Variants in RAB40A observed in about 807,000 individuals in gnomAD.
The protein encoded by RAB40A is ras-related protein Rab-40A.
For synonymous variants in RAB40A, 65 were observed against 99.9 expected, an observed-to-expected ratio of 0.65 and a Z score of 2.08; for missense variants, 145 against 230.2, an observed-to-expected ratio of 0.63 and a Z score of 2.40.
rs1356726560 is a variant in RAB40A at position 103,517,401 on chromosome X, C to T, written c.-98G>A. On this transcript the variant is annotated 5_prime_UTR_variant, in exon 2 of 3. Coordinates refer to ENST00000304236, the MANE Select transcript of RAB40A (RefSeq NM_080879.3). Reference sequence around the variant, plus strand: ...CAAAAACCACAGTCAGTTGATGGGTCGAGTAACTAGGGTACAAATCTGATG... The same window carrying T: ...CAAAAACCACAGTCAGTTGATGGGTTGAGTAACTAGGGTACAAATCTGATG... 1 of 110,897 alleles carries T rather than the reference C, an allele frequency of 9.0e-6. No homozygotes were observed. Among genetic ancestry groups the T allele is most frequent in the Admixed American group, 9.7e-5 (1 of 10,357 alleles). The allele number at this position is 110,897 out of a possible 1,213,427, so 9.1% of individuals were successfully genotyped here. A position where few individuals can be genotyped will look rare whatever the true frequency, so the allele number is the denominator to read the frequency against.
At chrX:103,507,870 C>T (rs1274125561) in intron 2 of RAB40A, among the ~76,000 whole-genome samples, 1 of 112,115 alleles carries the variant, frequency 8.9e-6, no homozygotes, top group Non-Finnish European at 1.9e-5. Flanking sequence ...ATTTAAACTG[C>T]ACCTCTCACT....
chrX:103,506,035 ACT>A (rs1471498840), intron 2 of RAB40A, among the ~76,000 whole-genome samples: 1 of 111,490 alleles, frequency 9.0e-6, no homozygotes, highest in African/African-American at 3.3e-5. Context: ...CTATTTCTTG[ACT>A]CTATTAATAA....
chrX:103,506,194 G>A (rs1465364330), intron 2 of RAB40A, among the ~76,000 whole-genome samples: 2 of 111,286 alleles, frequency 1.8e-5, no homozygotes, highest in African/African-American at 6.5e-5. Flanking sequence ...TTTTATAGTG[G>A]TGAAGTCTGG....
the RAB40A span, among the ~76,000 whole-genome samples, chrX:103,494,053 A>G: frequency 8.9e-6 from 1 of 112,286 alleles, no homozygotes; most frequent in East Asian, 2.8e-4. Context: ...TCCTACCAAC[A>G]GTGTACAAGG....
intron 2 of RAB40A, among the ~76,000 whole-genome samples, chrX:103,509,018 T>A: frequency 8.9e-6 from 1 of 112,318 alleles, no homozygotes. Flanking sequence ...CAGGAATTAC[T>A]GGCATTTCTG....
intron 2 of RAB40A, among the ~76,000 whole-genome samples, chrX:103,506,129 TA>T (rs765504097): frequency 9.0e-6 from 1 of 111,635 alleles, no homozygotes; most frequent in African/African-American, 3.2e-5. Context: ...AGATCTCAAT[TA>T]AAAAAATTTT....
rs766963873 is a variant in RAB40A at position 103,513,247 on chromosome X, TGACAGCAG to T, written c.-71+4119_-71+4126del. Among the ~76,000 whole-genome samples, 296 of 111,533 alleles carry T rather than the reference TGACAGCAG, an allele frequency of 2.7e-3. 2 individuals are homozygous for T. The highest frequency in any genetic ancestry group is 9.3e-3 in the African/African-American group (285 of 30,724). On this transcript the variant is annotated intron_variant, in intron 2 of 2. Coordinates refer to ENST00000304236, the MANE Select transcript of RAB40A (RefSeq NM_080879.3). ...CTAGCACAAATAAAGTCCTTTGAAT[TGACAGCAG>T]GCTCCTCTGTTTACCCACCTAGTTG...
intron 2 of RAB40A, among the ~76,000 whole-genome samples, chrX:103,512,939 A>C (rs2073298465): frequency 9.0e-6 from 1 of 111,611 alleles, no homozygotes; most frequent in African/African-American, 3.3e-5. Context: ...AATAAAAACA[A>C]AATACCCCTG....
chrX:103,496,789 G>A (rs1276828606), downstream of RAB40A, among the ~76,000 whole-genome samples: 2 of 112,535 alleles, frequency 1.8e-5, no homozygotes, highest in African/African-American at 3.2e-5. Flanking sequence ...TCTTATGGAA[G>A]CTATTTTACA....
the RAB40A span, among the ~76,000 whole-genome samples, chrX:103,493,861 T>A: frequency 7.1e-5 from 8 of 112,587 alleles, no homozygotes; most frequent in African/African-American, 2.6e-4. Context: ...TGCTTCCAAA[T>A]GTTAGCTATA....
At chrX:103,497,641 A>G (rs2073187182), downstream of RAB40A, 1 of 112,229 alleles carries the variant, frequency 8.9e-6, no homozygotes, top group South Asian at 3.8e-4. Flanking sequence ...CTTGCTGTCC[A>G]TCACAGGGAC....
chrX:103,500,325 G>A lies in RAB40A; in HGVS notation c.432C>T (p.Tyr144=), dbSNP rs144613307. Residue 144 remains tyrosine, a synonymous_variant, in exon 3 of 3, where the codon TAC becomes TAT. Coordinates refer to ENST00000304236, the MANE Select transcript of RAB40A (RefSeq NM_080879.3). ...RQVPREQAQA[Y]AERLGVTFFE... is the part of the protein sequence containing the mutation. ...AGAAGGTCACACCCAGGCGCTCGGC[G>A]TAGGCCTGGGCCTGCTCCCTGGGCA... 3 of 1,212,027 alleles carry A rather than the reference G, an allele frequency of 2.5e-6. No homozygotes were observed. The highest frequency in any genetic ancestry group is 3.4e-6 in the Non-Finnish European group (3 of 895,515).
At chrX:103,503,175 T>G (rs1040358580) in intron 2 of RAB40A, 1 of 751,548 alleles carries the variant, frequency 1.3e-6, no homozygotes, top group African/African-American at 2.3e-5. Flanking sequence ...AAAAATTGAT[T>G]GATAGATGTA....
chrX:103,499,072 G>A (rs1385518015), downstream of RAB40A: 1 of 112,304 alleles, frequency 8.9e-6, no homozygotes, highest in Admixed American at 9.5e-5. Flanking sequence ...CATCTTGCGG[G>A]GTTACACTAT....
intron 2 of RAB40A, among the ~76,000 whole-genome samples, chrX:103,507,246 T>A (rs2073260528): frequency 8.9e-6 from 1 of 112,127 alleles, no homozygotes; most frequent in Admixed American, 9.5e-5. Context: ...GGTTTTTGTA[T>A]TTTTTAATGT....
chrX:103,498,609 G>A (rs1306105740), downstream of RAB40A, among the ~76,000 whole-genome samples: 2 of 112,133 alleles, frequency 1.8e-5, no homozygotes, highest in Non-Finnish European at 3.8e-5. Context: ...ACAGGATGGT[G>A]TAGAGATTAT....
intron 2 of RAB40A, among the ~76,000 whole-genome samples, chrX:103,513,313 G>A (rs1274983746): frequency 3.6e-5 from 4 of 111,331 alleles, no homozygotes; most frequent in Non-Finnish European, 7.5e-5. Flanking sequence ...GGAGGGAAAG[G>A]GGAGGGACTG....
intron 2 of RAB40A, among the ~76,000 whole-genome samples, chrX:103,516,936 AC>A (rs1272307921): frequency 1.8e-5 from 2 of 111,420 alleles, no homozygotes; most frequent in Non-Finnish European, 3.8e-5. Context: ...TTTTTAATGA[AC>A]CCTTTACAGC....
chrX:103,496,465 C>T (rs1045457418), downstream of RAB40A, among the ~76,000 whole-genome samples: 2 of 111,820 alleles, frequency 1.8e-5, no homozygotes, highest in Non-Finnish European at 3.8e-5. Flanking sequence ...TATATTTCAC[C>T]ACCATTATAT....
Sources: gnomAD v4.1 joint callset for allele counts (sites outside exome capture counted in the v4.1 genomes callset) on GRCh38, gnomAD v4.1.1 for gene constraint, MANE v1.5 for transcripts, NCBI Gene and HGNC (gene_info 2026-07-23, HGNC 2026-07-21) for gene names.